Variants in TEK observed in about 807,000 individuals in gnomAD.
TEK encodes the protein angiopoietin-1 receptor.
In TEK, 43 loss-of-function variants were observed where a neutral mutation model predicts 131.8. That is an observed-to-expected ratio of 0.33 (90% CI 0.26 to 0.42). TEK has a LOEUF of 0.42. Ranked by LOEUF, TEK falls within the 10% of genes least tolerant of loss-of-function variation. The pLI is 1.00. For missense variants in TEK, 1,162 were observed against 1,384.4 expected (o/e 0.84, Z 2.55); for synonymous variants, 580 against 491.6 (o/e 1.18, Z -2.38).
At chr9:27,179,918 C>T (rs1421520668) in intron 6 of TEK, among the ~76,000 whole-genome samples, 1 of 152,162 alleles carries the variant, frequency 6.6e-6, no homozygotes. Context: ...CACATCATTC[C>T]CATCTTCCAA....
chr9:27,133,681 A>G (rs997675611), intron 1 of TEK, among the ~76,000 whole-genome samples: 2 of 152,146 alleles, frequency 1.3e-5, no homozygotes, highest in African/African-American at 2.4e-5. Flanking sequence ...AGGGGTTCCA[A>G]AGGAGATGCC....
chr9:27,161,119 G>C (rs1823530364), intron 2 of TEK, among the ~76,000 whole-genome samples: 1 of 152,198 alleles, frequency 6.6e-6, no homozygotes, highest in Admixed American at 6.5e-5. Context: ...AACATTGGGA[G>C]TTAAAAACCC....
chr9:27,219,918 G>A, intron 20 of TEK, 131 bp from the exon 21 acceptor site: 1 of 887,998 alleles, frequency 1.1e-6, no homozygotes, highest in Non-Finnish European at 1.9e-6. Flanking sequence ...TGCCAAGGGA[G>A]GCATGCAGGA....
chr9:27,217,660 A>G, intron 18 of TEK, 28 bp from the exon 19 acceptor site: 3 of 1,610,536 alleles, frequency 1.9e-6, no homozygotes, highest in Non-Finnish European at 2.5e-6. Context: ...TGTCCCAGTT[A>G]AGTGAAATCT....
chr9:27,114,628 CAGTT>C (rs1190109811), intron 1 of TEK, among the ~76,000 whole-genome samples: 1 of 151,978 alleles, frequency 6.6e-6, no homozygotes, highest in African/African-American at 2.4e-5. Flanking sequence ...GTAAAAACTG[CAGTT>C]ACTTTTGCAC....
chr9:27,117,898 G>A (rs1821631071), intron 1 of TEK, among the ~76,000 whole-genome samples: 3 of 152,208 alleles, frequency 2.0e-5, no homozygotes, highest in African/African-American at 7.2e-5. Context: ...GGGGAGCACT[G>A]GAAGACAATG....
intron 12 of TEK, among the ~76,000 whole-genome samples, chr9:27,201,569 C>G (rs1462031785): frequency 6.6e-6 from 1 of 152,114 alleles, no homozygotes; most frequent in Non-Finnish European, 1.5e-5. Flanking sequence ...TTTTTGGATA[C>G]TGTACCATCT....
Position 27,212,847 on chromosome 9 carries a change from C to T in TEK, c.2827C>T (p.His943Tyr), listed in dbSNP as rs143080429. The change falls in exon 17 of 23, where the codon CAC becomes TAC. Residue 943 changes from histidine (H) to tyrosine (Y), a missense_variant. Physicochemically the swap from His to Tyr is moderately conservative, Grantham distance 83. Transcript: ENST00000380036. ...CACACTGTCCTCCCAGCAGCTCCTT[C>T]ACTTCGCTGCCGACGTGGCCCGGGG... The part of the protein sequence containing the change: ...ASTLSSQQLL[H>Y]FAADVARGMD... 3 of 1,614,046 alleles carry T rather than the reference C, an allele frequency of 1.9e-6. No individual in the cohort carries two copies. Among genetic ancestry groups the T allele is most frequent in the African/African-American group, 2.7e-5 (2 of 74,934 alleles).
chr9:27,110,796 A>T (rs1056902536), intron 1 of TEK, among the ~76,000 whole-genome samples: 2 of 152,230 alleles, frequency 1.3e-5, no homozygotes, highest in Non-Finnish European at 2.9e-5. Context: ...AGAATGTGTA[A>T]CACAAGTTGC....
chr9:27,165,063 C>T (rs1043752891), intron 2 of TEK, among the ~76,000 whole-genome samples: 3 of 152,162 alleles, frequency 2.0e-5, no homozygotes, highest in Admixed American at 6.5e-5. Context: ...GACATTCATG[C>T]AGAGGTAAAC....
At chr9:27,154,618 T>C (rs1439615806) in intron 1 of TEK, among the ~76,000 whole-genome samples, 2 of 152,206 alleles carry the variant, frequency 1.3e-5, no homozygotes, top group Admixed American at 6.5e-5. Context: ...CAAATACAAC[T>C]ATAGATTCTC....
intron 1 of TEK, among the ~76,000 whole-genome samples, chr9:27,129,349 T>A (rs952758820): frequency 6.6e-6 from 1 of 152,184 alleles, no homozygotes; most frequent in East Asian, 1.9e-4. Flanking sequence ...ACTTAATACA[T>A]GCACAAGTAG....
intron 21 of TEK, among the ~76,000 whole-genome samples, chr9:27,221,728 A>C (rs1210372108): frequency 6.6e-6 from 1 of 152,132 alleles, no homozygotes; most frequent in African/African-American, 2.4e-5. Context: ...ACATCAACAA[A>C]AAGGACCTCC....
chr9:27,224,410 C>T (rs1234945615), intron 21 of TEK, among the ~76,000 whole-genome samples: 1 of 151,192 alleles, frequency 6.6e-6, no homozygotes, highest in African/African-American at 2.4e-5. Context: ...GCTTATCCAC[C>T]ATGATCAAGT....
chr9:27,128,965 G>A (rs111413505), intron 1 of TEK, among the ~76,000 whole-genome samples: 21,304 of 152,034 alleles, frequency 0.14, 2,300 homozygotes, highest in African/African-American at 0.29. Context: ...AATACCCTTT[G>A]TTTCTTTCTC....
Position 27,120,648 on chromosome 9 carries a change from G to A in TEK, c.52+11006G>A, listed in dbSNP as rs146342515. 3.5e-3 allele frequency among the ~76,000 whole-genome samples: 529 copies of A among 152,334 alleles called. 5 individuals carry two copies. Among genetic ancestry groups the A allele is most frequent in the African/African-American group, 0.012 (505 of 41,578 alleles). On this transcript the variant is annotated intron_variant, in intron 1 of 22. Coordinates refer to ENST00000380036, the MANE Select transcript of TEK (RefSeq NM_000459.5). Reference sequence around the variant, plus strand: ...ACTTCATCCGCAAATGAAAAGGGGAGGCATTCATCTATTGCTATTCCCTTT... The same window carrying A: ...ACTTCATCCGCAAATGAAAAGGGGAAGCATTCATCTATTGCTATTCCCTTT...
chr9:27,119,647 T>A (rs1287028247), intron 1 of TEK, among the ~76,000 whole-genome samples: 1 of 152,076 alleles, frequency 6.6e-6, no homozygotes, highest in Non-Finnish European at 1.5e-5. Context: ...TCTCTGTTGC[T>A]CAACGAGCTG....
At chr9:27,180,206 A>G in intron 6 of TEK, 34 bp from the exon 7 acceptor site, 1 of 1,613,178 alleles carries the variant, frequency 6.2e-7, no homozygotes, top group Non-Finnish European at 8.5e-7. Context: ...CTTCCCCTGG[A>G]TTAATACTGG....
intron 15 of TEK, among the ~76,000 whole-genome samples, 154 bp downstream of exon 15, chr9:27,206,946 G>A (rs1423964837): frequency 6.6e-6 from 1 of 152,210 alleles, no homozygotes; most frequent in Non-Finnish European, 1.5e-5. Context: ...CTTTGAAGTT[G>A]AGCCTGTGAT....
Sources: gnomAD v4.1 joint callset for allele counts (sites outside exome capture counted in the v4.1 genomes callset) on GRCh38, gnomAD v4.1.1 for gene constraint, MANE v1.5 for transcripts, NCBI Gene and HGNC (gene_info 2026-07-23, HGNC 2026-07-21) for gene names.